RB1: variants seen among roughly 807,000 people sequenced by gnomAD.
RB1 encodes retinoblastoma-associated protein.
A neutral mutation model predicts 135.4 loss-of-function variants in RB1; 18 were observed. The observed-to-expected ratio is 0.13, with a 90% CI of 0.09 to 0.20. The LOEUF (loss-of-function observed/expected upper bound fraction) is 0.20. RB1 is among the 10% of genes least tolerant of loss of function. RB1 has a pLI of 1.00. For synonymous variants in RB1, 365 were observed against 373.2 expected (o/e 0.98, Z 0.25); for missense variants, 868 against 1,110.0 (o/e 0.78, Z 3.10).
chr13:48,480,103 AC>A lies in RB1; in HGVS notation c.*34del, dbSNP rs1415887695. The A allele has an allele frequency of 2.6e-6, 4 of 1,545,452 alleles. No individual in the cohort carries two copies. In the African/African-American group the frequency reaches 5.5e-5, roughly 21 times the overall value. The stretch of plus-strand genomic sequence containing the variant: ...CAGGACCTTGGTGGACACTGTGTAC[AC>A]CTCTGGATTCATTGTCTCTCACAGA... On this transcript the variant is annotated 3_prime_UTR_variant, in exon 27 of 27. Coordinates refer to ENST00000267163, the MANE Select transcript of RB1 (RefSeq NM_000321.3).
chr13:48,340,135 A>G (rs1027207308), intron 2 of RB1, among the ~76,000 whole-genome samples: 1 of 152,196 alleles, frequency 6.6e-6, no homozygotes, highest in Non-Finnish European at 1.5e-5. Context: ...ACCTCACACC[A>G]TTTATAAAAA....
chr13:48,327,618 C>T (rs1286786404), intron 2 of RB1, among the ~76,000 whole-genome samples: 1 of 152,142 alleles, frequency 6.6e-6, no homozygotes, highest in Non-Finnish European at 1.5e-5. Context: ...TACTTTCAGT[C>T]AATAGTTCAG....
In RB1 at chr13:48,476,745, C is replaced by T. The variant is rs2138359118; in HGVS notation, c.2565C>T (p.Ser855=). The T allele has an allele frequency of 6.2e-7, 1 of 1,613,292 alleles. No homozygotes were observed. The highest frequency in any genetic ancestry group is 8.5e-7 in the Non-Finnish European group (1 of 1,179,416). The change falls in exon 25 of 27, where the codon AGC becomes AGT. Residue 855 remains serine (S), a synonymous_variant. Transcript: ENST00000267163. ...AAATAAATCAGATGGTATGTAACAG[C>T]GACCGTGTGCTCAAAAGAAGTGCTG... ...FQKINQMVCN[S]DRVLKRSAEG... is the part of the protein sequence containing the mutation.
At chr13:48,304,875 C>A (rs993976481) in intron 1 of RB1, among the ~76,000 whole-genome samples, 2 of 150,324 alleles carry the variant, frequency 1.3e-5, no homozygotes, top group African/African-American at 4.9e-5. Context: ...TCTTGGTGTC[C>A]CCTCTTTTTG....
In RB1 at chr13:48,361,665, T is replaced by A. The variant is rs4151483; in HGVS notation, c.719-1150T>A. ...TTTTCTTGTAAAAATAATTAAAAAA[T>A]TTTTTTACAGTTTGAATGAGAATCT... On this transcript the variant is annotated intron_variant, in intron 7 of 26. Transcript: ENST00000267163. Among the ~76,000 whole-genome samples, 912 of 152,234 alleles carry A rather than the reference T, an allele frequency of 6.0e-3. 7 individuals are homozygous for A. Among genetic ancestry groups the A allele is most frequent in the Non-Finnish European group, 8.5e-3 (581 of 67,998 alleles).
chr13:48,391,226 A>G (rs1948608068), intron 17 of RB1, among the ~76,000 whole-genome samples: 1 of 152,192 alleles, frequency 6.6e-6, no homozygotes, highest in Admixed American at 6.5e-5. Context: ...ATCTTAGAAT[A>G]GTATATTTCC....
chr13:48,320,247 G>T, intron 2 of RB1: 1 of 1,129,338 alleles, frequency 8.9e-7, no homozygotes, highest in Non-Finnish European at 1.3e-6. Context: ...CTGGCTTGGC[G>T]TCTGCCCTGT....
intron 20 of RB1, among the ~76,000 whole-genome samples, chr13:48,460,588 T>A (rs1220978192): frequency 1.3e-5 from 2 of 152,240 alleles, no homozygotes; most frequent in African/African-American, 2.4e-5. Flanking sequence ...ATTGAATGAA[T>A]GAATGAAGTC....
At chr13:48,375,545 A>G (rs1029676592) in intron 12 of RB1, among the ~76,000 whole-genome samples, 7 of 150,540 alleles carry the variant, frequency 4.6e-5, no homozygotes, top group Non-Finnish European at 7.4e-5. Flanking sequence ...GACAATGCAC[A>G]TTACAATGAA....
At chr13:48,372,160 T>C (rs980749427) in intron 11 of RB1, among the ~76,000 whole-genome samples, 8 of 152,054 alleles carry the variant, frequency 5.3e-5, no homozygotes, top group African/African-American at 1.7e-4. Flanking sequence ...AGTGCAGAGA[T>C]TGAAGCGAAG....
chr13:48,437,655 T>A (rs1949197969), intron 17 of RB1, among the ~76,000 whole-genome samples: 1 of 152,216 alleles, frequency 6.6e-6, no homozygotes, highest in South Asian at 2.1e-4. Flanking sequence ...TTTTGCCATG[T>A]GAGCCTCTCC....
intron 2 of RB1, among the ~76,000 whole-genome samples, chr13:48,320,642 C>A (rs965031677): frequency 2.0e-5 from 3 of 152,052 alleles, no homozygotes; most frequent in African/African-American, 7.2e-5. Flanking sequence ...ACCCGCCTGG[C>A]CAACATACTG....
intron 17 of RB1, among the ~76,000 whole-genome samples, chr13:48,419,916 A>T (rs967225263): frequency 6.6e-6 from 1 of 152,236 alleles, no homozygotes; most frequent in African/African-American, 2.4e-5. Flanking sequence ...AACCAAAAAA[A>T]TCCCAGGAGC....
intron 2 of RB1, among the ~76,000 whole-genome samples, chr13:48,316,012 T>A (rs1952178492): frequency 6.6e-6 from 1 of 152,158 alleles, no homozygotes; most frequent in Admixed American, 6.5e-5. Flanking sequence ...ACATCTATTG[T>A]TTTTTTACTT....
chr13:48,372,728 G>C (rs903653238), intron 11 of RB1, among the ~76,000 whole-genome samples: 1 of 152,030 alleles, frequency 6.6e-6, no homozygotes, highest in Admixed American at 6.6e-5. Context: ...AGAACACTGA[G>C]CATATTTTAC....
chr13:48,355,349 A>G (rs1952580970), intron 6 of RB1, among the ~76,000 whole-genome samples: 1 of 152,136 alleles, frequency 6.6e-6, no homozygotes, highest in Non-Finnish European at 1.5e-5. Context: ...GAGAAATGCA[A>G]ATCAAAACTA....
At chr13:48,452,530 T>C (rs1949334220) in intron 17 of RB1, among the ~76,000 whole-genome samples, 1 of 152,132 alleles carries the variant, frequency 6.6e-6, no homozygotes, top group Non-Finnish European at 1.5e-5. Context: ...TTTGTGATTT[T>C]GTCCCATTTT....
At chr13:48,380,652 C>A (rs1485451534) in intron 16 of RB1, among the ~76,000 whole-genome samples, 2 of 152,028 alleles carry the variant, frequency 1.3e-5, no homozygotes, top group African/African-American at 4.8e-5. Context: ...AGAACAAAGG[C>A]CAATTACAAT....
chr13:48,456,344 A>C lies in RB1; in HGVS notation c.1955A>C (p.Lys652Thr). The C allele has an allele frequency of 6.2e-7, 1 of 1,614,116 alleles. No individual in the cohort carries two copies. ...LKSTSLSLFY[K>T]KVYRLAYLRL... is the part of the protein sequence containing the mutation. ...TCTACCTCTCTTTCACTGTTTTATA[A>C]AAAAGGTTAGTAGATGATTATTTTC... is the stretch of plus-strand genomic sequence containing the variant. Residue 652 changes from lysine (K) to threonine (T), a missense_variant, in exon 19 of 27, where the codon AAA (lysine) becomes ACA (threonine). Lys to Thr is a moderately conservative substitution (Grantham distance 78). Transcript: ENST00000267163.
Sources: allele counts gnomAD v4.1 joint callset (sites outside exome capture counted in the v4.1 genomes callset), GRCh38; gene constraint gnomAD v4.1.1; transcripts MANE v1.5; gene names NCBI Gene and HGNC (gene_info 2026-07-23, HGNC 2026-07-21).